SKI: variants seen among roughly 807,000 people sequenced by gnomAD.
The protein encoded by SKI is SKI proto-oncogene.
A neutral mutation model predicts 59.3 loss-of-function variants in SKI; 23 were observed. That is an observed-to-expected ratio of 0.39 (90% CI 0.28 to 0.55). SKI has a LOEUF of 0.55. Among genes scored for constraint, SKI ranks in the 20% least tolerant of loss-of-function variants. The pLI, the probability that SKI is intolerant of heterozygous loss-of-function variation, is 0.67. For synonymous variants in SKI, 673 were observed against 488.6 expected, an observed-to-expected ratio of 1.38 and a Z score of -4.98; for missense variants, 1,017 against 1,038.9, an observed-to-expected ratio of 0.98 and a Z score of 0.29.
At chr1:2,278,399 C>T (rs1639791486) in intron 1 of SKI, among the ~76,000 whole-genome samples, 1 of 152,216 alleles carries the variant, frequency 6.6e-6, no homozygotes, top group African/African-American at 2.4e-5. Context: ...ACTGCAGATT[C>T]CTAAATGTGA....
intron 1 of SKI, among the ~76,000 whole-genome samples, chr1:2,282,524 T>C (rs952983152): frequency 1.3e-5 from 2 of 151,848 alleles, no homozygotes; most frequent in African/African-American, 2.4e-5. Context: ...AGACAGGCAG[T>C]GGCGGAGATC....
chr1:2,265,286 G>A lies in SKI; in HGVS notation c.969+35551G>A, dbSNP rs530422899. Among the ~76,000 whole-genome samples the A allele has an allele frequency of 5.3e-5, 8 of 152,244 alleles. No homozygotes were observed. The South Asian group carries it at 1.7e-3, about 32-fold the overall frequency. On this transcript the variant is annotated intron_variant, in intron 1 of 6. Coordinates refer to ENST00000378536, the MANE Select transcript of SKI (RefSeq NM_003036.4). ...TGGCCCGTGTGTCAGTCATGTGAATGTTGTCAGCTCAGGGTGCTCTTCTCA... is the reference window on the plus strand; with the variant it reads ...TGGCCCGTGTGTCAGTCATGTGAATATTGTCAGCTCAGGGTGCTCTTCTCA...
chr1:2,254,930 G>T (rs868131083), intron 1 of SKI, among the ~76,000 whole-genome samples: 1 of 152,196 alleles, frequency 6.6e-6, no homozygotes, highest in Admixed American at 6.5e-5. Context: ...TGTGCACTTG[G>T]GTGCAGGTGG....
intron 1 of SKI, among the ~76,000 whole-genome samples, chr1:2,247,226 CAAAA>C (rs964658895): frequency 6.6e-6 from 1 of 151,796 alleles, no homozygotes; most frequent in East Asian, 1.9e-4. Flanking sequence ...CTTAAAAAAA[CAAAA>C]AACAAAAAAG....
intron 1 of SKI, among the ~76,000 whole-genome samples, chr1:2,295,054 C>CT (rs1640251874): frequency 6.6e-6 from 1 of 152,232 alleles, no homozygotes. Context: ...TCTTGATGGG[C>CT]TTTAGAAGGT....
intron 1 of SKI, among the ~76,000 whole-genome samples, chr1:2,272,469 G>GCGGCACTGAATGGCAGTGGC (rs1325559446): frequency 3.5e-4 from 53 of 152,328 alleles, no homozygotes; most frequent in Middle Eastern, 3.4e-3. Flanking sequence ...GCAGCTCCCA[G>GCGGCACTGAATGGCAGTGGC]CGGCACTGAA....
intron 1 of SKI, among the ~76,000 whole-genome samples, chr1:2,274,770 G>A (rs1233653541): frequency 6.6e-6 from 1 of 152,224 alleles, no homozygotes; most frequent in Admixed American, 6.5e-5. Flanking sequence ...GCCGTGATGG[G>A]GGGCAGGGAC....
intron 1 of SKI, among the ~76,000 whole-genome samples, chr1:2,264,186 C>T (rs1639449265): frequency 6.6e-6 from 1 of 152,194 alleles, no homozygotes; most frequent in African/African-American, 2.4e-5. Flanking sequence ...TGCCATTTCT[C>T]CCTTTGTTTC....
chr1:2,287,199 C>T (rs1640057379), intron 1 of SKI, among the ~76,000 whole-genome samples: 1 of 152,054 alleles, frequency 6.6e-6, no homozygotes, highest in Admixed American at 6.5e-5. Flanking sequence ...CCGTGCGGGG[C>T]TCCAGGGCGC....
intron 1 of SKI, among the ~76,000 whole-genome samples, chr1:2,299,307 A>G (rs1237241155): frequency 6.6e-6 from 1 of 151,892 alleles, no homozygotes; most frequent in African/African-American, 2.4e-5. Context: ...TGTCCTCCTC[A>G]CGGACTCTGG....
intron 1 of SKI, among the ~76,000 whole-genome samples, chr1:2,262,474 T>C (rs1639409537): frequency 7.0e-6 from 1 of 143,734 alleles, no homozygotes; most frequent in African/African-American, 2.6e-5. Context: ...GATCTCCTGA[T>C]CTGGAAGGCG....
At chr1:2,240,799 G>C in intron 1 of SKI, 1 of 985,442 alleles carries the variant, frequency 1.0e-6, no homozygotes, top group South Asian at 4.7e-5. Context: ...TCAGGTGAGA[G>C]GCGCGAGAAA....
intron 1 of SKI, among the ~76,000 whole-genome samples, chr1:2,294,129 C>T (rs985167849): frequency 1.3e-5 from 2 of 152,130 alleles, no homozygotes; most frequent in Admixed American, 6.5e-5. Flanking sequence ...GTGATAGGTG[C>T]GGCAGCTTCC....
chr1:2,309,419 G>C lies in SKI; in HGVS notation c.*2654G>C, dbSNP rs532247242. The C allele has an allele frequency of 6.6e-6, 1 of 152,226 alleles. No individual in the cohort carries two copies. Among genetic ancestry groups the C allele is most frequent in the Non-Finnish European group, 1.5e-5 (1 of 68,010 alleles). The allele number at this position is 152,226 out of a possible 1,614,324, so 9.4% of individuals were successfully genotyped here. A position where few individuals can be genotyped will look rare whatever the true frequency, so the allele number is the denominator to read the frequency against. On this transcript the variant is annotated 3_prime_UTR_variant, in exon 7 of 7. Transcript: ENST00000378536. ...CTCATACACGTAATGTCTGCTTTTC[G>C]TACAGAACTAGCCAATGTAAAAACA...
chr1:2,232,050 C>T (rs1368635455), intron 1 of SKI, among the ~76,000 whole-genome samples: 2 of 152,230 alleles, frequency 1.3e-5, no homozygotes, highest in Non-Finnish European at 2.9e-5. Context: ...CCACAGTGCC[C>T]AGACCCTACT....
chr1:2,276,828 C>T (rs982183000), intron 1 of SKI, among the ~76,000 whole-genome samples: 4 of 152,308 alleles, frequency 2.6e-5, no homozygotes, highest in South Asian at 2.1e-4. Flanking sequence ...CTCATAGCTC[C>T]GTTCCTGACA....
chr1:2,280,616 GA>G (rs1203394583), intron 1 of SKI, among the ~76,000 whole-genome samples: 28 of 146,362 alleles, frequency 1.9e-4, no homozygotes, highest in African/African-American at 6.3e-4. Context: ...AGATGCCCGA[GA>G]AGACAGGCGG....
chr1:2,283,988 A>G (rs1639975465), intron 1 of SKI, among the ~76,000 whole-genome samples: 1 of 152,164 alleles, frequency 6.6e-6, no homozygotes, highest in Non-Finnish European at 1.5e-5. Flanking sequence ...GCCCGCAGCT[A>G]GTGCCCTGTT....
intron 1 of SKI, among the ~76,000 whole-genome samples, chr1:2,295,714 TG>T (rs1244701084): frequency 2.9e-5 from 2 of 68,304 alleles, no homozygotes; most frequent in African/African-American, 1.8e-4. Flanking sequence ...GGGCCACGTG[TG>T]GCTATGTGTC....
Sources: allele counts gnomAD v4.1 joint callset (sites outside exome capture counted in the v4.1 genomes callset), GRCh38; gene constraint gnomAD v4.1.1; transcripts MANE v1.5; gene names NCBI Gene and HGNC (gene_info 2026-07-23, HGNC 2026-07-21).